The following DNAJC5B variants were observed in gnomAD, a reference collection of about 807,000 sequenced individuals.
DNAJC5B encodes the protein DnaJ heat shock protein family (Hsp40) member C5 beta, also known as dnaJ homolog subfamily C member 5B.
In DNAJC5B, 23 loss-of-function variants were observed where a neutral mutation model predicts 24.7. The observed-to-expected ratio is 0.93, with a 90% CI of 0.67 to 1.32. The LOEUF (loss-of-function observed/expected upper bound fraction) is 1.32, where lower values mean the gene tolerates loss of function less well. Among genes scored for constraint, DNAJC5B ranks in the 40% most tolerant of loss-of-function variants. DNAJC5B has a pLI of 0.00. For synonymous variants in DNAJC5B, 101 were observed against 90.1 expected (o/e 1.12, Z -0.68); for missense variants, 238 against 240.8 (o/e 0.99, Z 0.08).
chr8:66,064,788 T>G (rs1426172775), intron 3 of DNAJC5B, among the ~76,000 whole-genome samples: 6 of 152,172 alleles, frequency 3.9e-5, no homozygotes, highest in African/African-American at 1.4e-4. Flanking sequence ...GTGTCAGAAG[T>G]TCAGGTCCTC....
At chr8:66,081,766 C>A (rs1807600903) in intron 5 of DNAJC5B, among the ~76,000 whole-genome samples, 1 of 152,068 alleles carries the variant, frequency 6.6e-6, no homozygotes, top group African/African-American at 2.4e-5. Flanking sequence ...CCTGGGACCC[C>A]TTGCTGTGGG....
intron 5 of DNAJC5B, among the ~76,000 whole-genome samples, chr8:66,083,069 T>G (rs1807636935): frequency 6.9e-6 from 1 of 145,378 alleles, no homozygotes; most frequent in African/African-American, 2.6e-5. Context: ...TGGAGTGCAG[T>G]GGCACGATCT....
chr8:66,085,314 C>T (rs1807697112), intron 5 of DNAJC5B, among the ~76,000 whole-genome samples: 1 of 152,158 alleles, frequency 6.6e-6, no homozygotes, highest in Non-Finnish European at 1.5e-5. Context: ...GTGGCAGGTG[C>T]CTGTAATCCC....
chr8:66,089,079 A>G (rs1004140729), intron 5 of DNAJC5B, among the ~76,000 whole-genome samples: 10 of 152,186 alleles, frequency 6.6e-5, no homozygotes, highest in Non-Finnish European at 1.0e-4. Context: ...TTTATAAACA[A>G]AAGAGGTTTA....
chr8:66,089,990 G>C (rs1202600560), intron 5 of DNAJC5B, among the ~76,000 whole-genome samples: 1 of 152,096 alleles, frequency 6.6e-6, no homozygotes, highest in East Asian at 1.9e-4. Flanking sequence ...TGTTGTCTTT[G>C]AAAATTTGAA....
chr8:66,053,421 C>A (rs575025109), intron 3 of DNAJC5B, among the ~76,000 whole-genome samples: 57 of 152,064 alleles, frequency 3.7e-4, no homozygotes, highest in Non-Finnish European at 6.3e-4. Flanking sequence ...AAACTGTTTT[C>A]CAACTTGCAA....
intron 5 of DNAJC5B, among the ~76,000 whole-genome samples, chr8:66,097,227 T>C (rs1807973161): frequency 6.6e-6 from 1 of 151,578 alleles, no homozygotes; most frequent in Non-Finnish European, 1.5e-5. Flanking sequence ...TTTTAAATTG[T>C]CAGAGTGTCT....
intron 3 of DNAJC5B, among the ~76,000 whole-genome samples, chr8:66,071,834 T>C (rs948318409): frequency 6.6e-6 from 1 of 151,992 alleles, no homozygotes; most frequent in African/African-American, 2.4e-5. Context: ...ATAAAGAAAA[T>C]GTGATACATG....
intron 2 of DNAJC5B, among the ~76,000 whole-genome samples, chr8:66,047,752 G>A (rs1177622098): frequency 6.6e-6 from 1 of 152,158 alleles, no homozygotes; most frequent in Non-Finnish European, 1.5e-5. Context: ...TATAAAATAG[G>A]ATTCCAGCCC....
chr8:66,095,457 A>T (rs1048268492), intron 5 of DNAJC5B, among the ~76,000 whole-genome samples: 1 of 151,104 alleles, frequency 6.6e-6, no homozygotes, highest in African/African-American at 2.4e-5. Flanking sequence ...CAATATTATC[A>T]GTCTTCTCAA....
chr8:66,042,490 A>G (rs1806631266), intron 1 of DNAJC5B, among the ~76,000 whole-genome samples: 1 of 152,236 alleles, frequency 6.6e-6, no homozygotes, highest in Admixed American at 6.5e-5. Context: ...CACCATATTT[A>G]CATAGCAACT....
intron 2 of DNAJC5B, 54 bp downstream of exon 2, chr8:66,043,665 T>A (rs1806663896): frequency 6.6e-6 from 1 of 152,174 alleles, no homozygotes; most frequent in Non-Finnish European, 1.5e-5. Context: ...GCACATCTAT[T>A]TCCAGACCAG....
At chr8:66,015,366 A>G in the DNAJC5B span, among the ~76,000 whole-genome samples, 1 of 152,178 alleles carries the variant, frequency 6.6e-6, no homozygotes, top group Non-Finnish European at 1.5e-5. Context: ...TGCTTTAGAC[A>G]TCGGCCTTAT....
In DNAJC5B at chr8:66,094,326, C is replaced by T. The variant is rs188690891; in HGVS notation, c.506-5611C>T. 4.3e-3 allele frequency among the ~76,000 whole-genome samples: 657 copies of T among 152,066 alleles called. 5 individuals carry two copies. Among genetic ancestry groups the T allele is most frequent in the African/African-American group, 0.015 (634 of 41,536 alleles). On this transcript the variant is annotated intron_variant, in intron 5 of 5. Coordinates refer to ENST00000276570, the MANE Select transcript of DNAJC5B (RefSeq NM_033105.6). ...TTAATATGTGACATGGTATATTTCACCATTTATTAGCTTTCACTAAGGATG... is the reference window on the plus strand; with the variant it reads ...TTAATATGTGACATGGTATATTTCATCATTTATTAGCTTTCACTAAGGATG...
intron 1 of DNAJC5B, among the ~76,000 whole-genome samples, chr8:66,039,819 C>T (rs996729372): frequency 6.6e-6 from 1 of 152,146 alleles, no homozygotes; most frequent in African/African-American, 2.4e-5. Flanking sequence ...TCATTCCATC[C>T]ACTGATGCAT....
At chr8:66,041,438 C>T (rs545734526) in intron 1 of DNAJC5B, among the ~76,000 whole-genome samples, 2 of 152,260 alleles carry the variant, frequency 1.3e-5, no homozygotes, top group Non-Finnish European at 2.9e-5. Context: ...ATAGCCCTAA[C>T]CATATGTGGC....
intron 3 of DNAJC5B, among the ~76,000 whole-genome samples, chr8:66,066,000 G>A (rs79379803): frequency 0.041 from 6,172 of 152,200 alleles, 425 homozygotes; most frequent in African/African-American, 0.14. Context: ...GTTTTGCAGG[G>A]TAGGTAAAGC....
chr8:66,046,472 A>G (rs1381239974), intron 2 of DNAJC5B, among the ~76,000 whole-genome samples: 5 of 152,212 alleles, frequency 3.3e-5, no homozygotes, highest in Non-Finnish European at 7.3e-5. Flanking sequence ...ATGAGATACT[A>G]GTTGGGGGAA....
At chr8:66,070,369 T>C (rs1807319146) in intron 3 of DNAJC5B, among the ~76,000 whole-genome samples, 1 of 152,210 alleles carries the variant, frequency 6.6e-6, no homozygotes, top group Non-Finnish European at 1.5e-5. Context: ...AGTCTCAGGA[T>C]ACAAAATCAA....
Sources: gnomAD v4.1 joint callset for allele counts (sites outside exome capture counted in the v4.1 genomes callset) on GRCh38, gnomAD v4.1.1 for gene constraint, MANE v1.5 for transcripts, NCBI Gene and HGNC (gene_info 2026-07-23, HGNC 2026-07-21) for gene names.